Variants in MAP3K9 observed in about 807,000 individuals in gnomAD.
The protein encoded by MAP3K9 is mitogen-activated protein kinase kinase kinase 9, also known as mixed lineage kinase 1 (tyr and ser/thr specificity).
Under a neutral mutation model 95.8 loss-of-function variants are expected in MAP3K9, and 46 were observed. The ratio of observed to expected loss-of-function variants is 0.48; its 90% CI spans 0.38 to 0.61. The LOEUF is 0.61. MAP3K9 is among the 20% of genes least tolerant of loss of function. The probability of loss-of-function intolerance (pLI) is 0.00; values close to 1 mark genes in which losing one functional copy is unlikely to be tolerated. For synonymous variants in MAP3K9, 533 were observed against 593.8 expected, an observed-to-expected ratio of 0.90 and a Z score of 1.49; for missense variants, 1,296 against 1,474.3, an observed-to-expected ratio of 0.88 and a Z score of 1.98.
chr14:70,801,630 C>T (rs2054931784), intron 1 of MAP3K9, among the ~76,000 whole-genome samples: 1 of 152,314 alleles, frequency 6.6e-6, no homozygotes, highest in East Asian at 1.9e-4. Context: ...CCAAGGCAGA[C>T]ACCCAACAAC....
chr14:70,799,710 C>T (rs1045463772), intron 2 of MAP3K9, among the ~76,000 whole-genome samples: 8 of 152,188 alleles, frequency 5.3e-5, no homozygotes, highest in Admixed American at 3.9e-4. Context: ...TCTGGAACAG[C>T]CTGGAGCAAA....
At chr14:70,782,310 T>A (rs183567366) in intron 2 of MAP3K9, among the ~76,000 whole-genome samples, 2 of 152,366 alleles carry the variant, frequency 1.3e-5, no homozygotes, top group African/African-American at 4.8e-5. Context: ...CAATTTCTTA[T>A]GAGGACATTT....
chr14:70,799,338 G>GT (rs1157658944), intron 2 of MAP3K9, among the ~76,000 whole-genome samples: 6 of 151,702 alleles, frequency 4.0e-5, no homozygotes, highest in East Asian at 1.9e-4. Flanking sequence ...TTAAAATGTA[G>GT]TTTTTTTGTT....
intron 2 of MAP3K9, among the ~76,000 whole-genome samples, chr14:70,773,876 G>T (rs1395117150): frequency 1.3e-5 from 2 of 152,278 alleles, no homozygotes; most frequent in Non-Finnish European, 1.5e-5. Context: ...TTCAGCTAGT[G>T]TTACTTTAAG....
At chr14:70,770,799 G>A (rs529311537) in intron 2 of MAP3K9, among the ~76,000 whole-genome samples, 6 of 152,088 alleles carry the variant, frequency 3.9e-5, no homozygotes, top group African/African-American at 7.2e-5. Flanking sequence ...GGTTCCCTTC[G>A]TCTCCCTCCT....
intron 3 of MAP3K9, among the ~76,000 whole-genome samples, chr14:70,750,888 A>AT (rs1366293880): frequency 2.0e-5 from 3 of 152,108 alleles, no homozygotes; most frequent in Non-Finnish European, 2.9e-5. Context: ...TCACAGATAC[A>AT]TTTTTTCCCC....
At chr14:70,761,253 C>T (rs1225224121) in intron 2 of MAP3K9, 71 bp from the exon 3 acceptor site, 9 of 1,302,302 alleles carry the variant, frequency 6.9e-6, no homozygotes, top group Non-Finnish European at 9.6e-6. Flanking sequence ...GAACAGAACT[C>T]TTCTGCCATC....
chr14:70,809,177 G>A lies in MAP3K9; in HGVS notation c.-6C>T, dbSNP rs2055037843. 6 of 1,339,538 alleles carry A rather than the reference G, an allele frequency of 4.5e-6. No homozygotes were observed. Among genetic ancestry groups the A allele is most frequent in the Non-Finnish European group, 5.7e-6 (6 of 1,052,884 alleles). The allele number at this position is 1,339,538 out of a possible 1,614,324, so 83.0% of individuals were successfully genotyped here. ...AGCGCTCTGGAGGGCTCCATGGAGC[G>A]GCCGATCCATAGGGTGCGGGGCCGC... is the stretch of plus-strand genomic sequence containing the variant. On this transcript the variant is annotated 5_prime_UTR_variant, in exon 1 of 12. Transcript: ENST00000554752.
At chr14:70,738,739 G>C (rs2054021663) in intron 7 of MAP3K9, among the ~76,000 whole-genome samples, 1 of 152,062 alleles carries the variant, frequency 6.6e-6, no homozygotes, top group South Asian at 2.1e-4. Context: ...TAAGGAGGCA[G>C]GTAAGGGGGG....
rs1364249599 is a variant in MAP3K9, at chr14:70,728,751, G to C, written c.*1629C>G. On this transcript the variant is annotated 3_prime_UTR_variant, in exon 12 of 12. Transcript: ENST00000554752. The stretch of plus-strand genomic sequence containing the variant: ...AGGCAGGACATCTATCCCAGTTATA[G>C]AGAAAGAGCAGTGACCAATTCATCA... The C allele has an allele frequency of 1.3e-5, 2 of 152,214 alleles. No individual in the cohort carries two copies. The highest frequency in any genetic ancestry group is 2.9e-5 in the Non-Finnish European group (2 of 68,046). 9.4% of individuals were successfully genotyped at this position (152,214 alleles called of 1,614,324 possible). A position where few individuals can be genotyped will look rare whatever the true frequency, so the allele number is the denominator to read the frequency against.
chr14:70,763,273 G>A (rs1226646507), intron 2 of MAP3K9, among the ~76,000 whole-genome samples: 4 of 152,194 alleles, frequency 2.6e-5, no homozygotes, highest in Non-Finnish European at 5.9e-5. Context: ...ACCGCATAAT[G>A]ACGTTTCAGT....
intron 7 of MAP3K9, chr14:70,739,809 T>C: frequency 6.6e-6 from 9 of 1,353,638 alleles, no homozygotes; most frequent in Non-Finnish European, 9.0e-6. Flanking sequence ...TACCCACAAA[T>C]CCCTTTGCTG....
intron 2 of MAP3K9, among the ~76,000 whole-genome samples, chr14:70,762,185 TG>T (rs1404952874): frequency 6.6e-6 from 1 of 152,228 alleles, no homozygotes; most frequent in African/African-American, 2.4e-5. Context: ...TTCTGGCTAC[TG>T]TGACTAGTGT....
intron 3 of MAP3K9, chr14:70,753,106 G>A (rs772375452): frequency 6.6e-6 from 1 of 152,268 alleles, no homozygotes; most frequent in African/African-American, 2.4e-5. Flanking sequence ...CCTTTAGGAA[G>A]CAAGTTCACC....
chr14:70,808,814 G>A lies in MAP3K9; in HGVS notation c.358C>T (p.Arg120Cys). ...GGGTCCTCGCCGCCGGGCTGGCAGC[G>A]GCTGGAGAAGGCGCTGCGCGGGGTC... ...YVTPRSAFSS[R>C]CQPGGEDPSC... Residue 120 changes from arginine to cysteine, a missense_variant, in exon 1 of 12, where the codon CGC (arginine) becomes TGC (cysteine). By Grantham distance (180) the Arg-to-Cys change is radical (BLOSUM62 -3). This residue lies in a region of MAP3K9 where 338 missense variants were observed against 363.4 expected (regional missense o/e 0.93). Coordinates refer to ENST00000554752, the MANE Select transcript of MAP3K9 (RefSeq NM_001284230.2). 4 of 1,594,916 alleles carry A rather than the reference G, an allele frequency of 2.5e-6. No homozygotes were observed. Among genetic ancestry groups the A allele is most frequent in the African/African-American group, 1.3e-5 (1 of 74,116 alleles).
intron 2 of MAP3K9, among the ~76,000 whole-genome samples, chr14:70,786,947 C>T (rs542069061): frequency 1.0e-3 from 158 of 151,620 alleles, no homozygotes; most frequent in Admixed American, 2.7e-3. Flanking sequence ...CCTCTTGGAC[C>T]CTGAAGGTTA....
At chr14:70,787,266 T>C (rs1185138061) in intron 2 of MAP3K9, among the ~76,000 whole-genome samples, 1 of 152,020 alleles carries the variant, frequency 6.6e-6, no homozygotes, top group East Asian at 1.9e-4. Context: ...CCTAGCACTT[T>C]GGGAGGCCAA....
chr14:70,757,458 A>G (rs2054313011), intron 3 of MAP3K9, among the ~76,000 whole-genome samples: 1 of 33,108 alleles, frequency 3.0e-5, no homozygotes, highest in Non-Finnish European at 5.6e-5. Flanking sequence ...CCCTGTCCGA[A>G]AAAAAAAAAA....
Position 70,749,929 on chromosome 14 carries a change from T to G in MAP3K9, c.1150+4A>C. On this transcript the variant is annotated splice_donor_region_variant and intron_variant, in intron 4 of 11. Coordinates refer to ENST00000554752, the MANE Select transcript of MAP3K9 (RefSeq NM_001284230.2). ...CAGTTTGGTTCAGGCCAGGGCTTAC[T>G]TACCTTCCATGAGTTTGGCAAAAGG... 6.2e-7 allele frequency: 1 copy of G among 1,614,206 alleles called. No individual in the cohort carries two copies. Among genetic ancestry groups the G allele is most frequent in the Non-Finnish European group, 8.5e-7 (1 of 1,180,024 alleles).
Sources: gnomAD v4.1 joint callset for allele counts (sites outside exome capture counted in the v4.1 genomes callset) on GRCh38, gnomAD v4.1.1 for gene constraint, gnomAD v4.1.1 regional missense constraint, MANE v1.5 for transcripts, NCBI Gene and HGNC (gene_info 2026-07-23, HGNC 2026-07-21) for gene names.